ADCY2: variants seen among roughly 807,000 people sequenced by gnomAD.
ADCY2 encodes adenylate cyclase 2.
ADCY2 carries 31 observed loss-of-function variants against 125.2 expected under a neutral mutation model. The observed-to-expected ratio is 0.25, with a 90% CI of 0.19 to 0.33. The LOEUF (loss-of-function observed/expected upper bound fraction) is 0.33, where lower values mean the gene tolerates loss of function less well. Ranked by LOEUF, ADCY2 falls within the 10% of genes least tolerant of loss-of-function variation. The probability of loss-of-function intolerance (pLI) is 1.00; values close to 1 mark genes in which losing one functional copy is unlikely to be tolerated. For synonymous variants in ADCY2, 512 were observed against 548.4 expected, an observed-to-expected ratio of 0.93 and a Z score of 0.93; for missense variants, 904 against 1,418.2, an observed-to-expected ratio of 0.64 and a Z score of 5.82.
At chr5:7,427,756 AG>A (rs1050425620) in intron 2 of ADCY2, among the ~76,000 whole-genome samples, 6 of 152,122 alleles carry the variant, frequency 3.9e-5, no homozygotes, top group African/African-American at 1.4e-4. Flanking sequence ...TTGGTGGGGA[AG>A]GGGACCAAAA....
chr5:7,663,066 A>G (rs903870202), intron 4 of ADCY2, among the ~76,000 whole-genome samples: 1 of 152,234 alleles, frequency 6.6e-6, no homozygotes, highest in Non-Finnish European at 1.5e-5. Flanking sequence ...TAGAGACCTA[A>G]CGGAGAAATC....
At chr5:7,665,246 T>G (rs1288023057) in intron 4 of ADCY2, among the ~76,000 whole-genome samples, 1 of 152,168 alleles carries the variant, frequency 6.6e-6, no homozygotes, top group Non-Finnish European at 1.5e-5. Context: ...CTTCCCTTCT[T>G]TGGCTGCATT....
intron 7 of ADCY2, among the ~76,000 whole-genome samples, chr5:7,702,531 A>C (rs903331751): frequency 2.0e-5 from 3 of 152,088 alleles, no homozygotes; most frequent in African/African-American, 7.2e-5. Context: ...TTCCAGCTTC[A>C]TCCATGTCCC....
At chr5:7,613,882 A>G (rs1415514284) in intron 3 of ADCY2, among the ~76,000 whole-genome samples, 1 of 152,230 alleles carries the variant, frequency 6.6e-6, no homozygotes, top group African/African-American at 2.4e-5. Context: ...CTTCCAAGAA[A>G]TAAAAGACAA....
intron 22 of ADCY2, among the ~76,000 whole-genome samples, chr5:7,807,667 G>T (rs984455806): frequency 6.6e-6 from 1 of 152,002 alleles, no homozygotes; most frequent in South Asian, 2.1e-4. Context: ...ACCTCTATCC[G>T]CTATCTTGAC....
intron 14 of ADCY2, among the ~76,000 whole-genome samples, chr5:7,739,378 C>T (rs555355746): frequency 3.8e-4 from 58 of 151,698 alleles, no homozygotes; most frequent in Middle Eastern, 3.4e-3. Context: ...AATATCAAAA[C>T]GTAATGTATC....
chr5:7,713,358 G>T (rs1265954725), intron 11 of ADCY2, among the ~76,000 whole-genome samples: 1 of 151,910 alleles, frequency 6.6e-6, no homozygotes, highest in Non-Finnish European at 1.5e-5. Flanking sequence ...GCTGGGTGTT[G>T]TGGCATATGC....
In ADCY2 at chr5:7,827,096, C is replaced by T. The variant is rs917928814; in HGVS notation, c.*225C>T. 9 of 483,392 alleles carry T rather than the reference C, an allele frequency of 1.9e-5. No individual in the cohort carries two copies. The highest frequency in any genetic ancestry group is 6.8e-5 in the East Asian group (2 of 29,456). 29.9% of individuals were successfully genotyped at this position (483,392 alleles called of 1,614,324 possible). ...GCTCCTAAGCAAAAGGGAAAAGGAG[C>T]GCGCGTGATAGAAGAAAAGCACTGG... On this transcript the variant is annotated 3_prime_UTR_variant, in exon 25 of 25. Transcript: ENST00000338316.
chr5:7,674,456 G>A (rs1740049565), intron 4 of ADCY2, among the ~76,000 whole-genome samples: 2 of 152,176 alleles, frequency 1.3e-5, no homozygotes, highest in South Asian at 4.1e-4. Context: ...CCCCTGGAGG[G>A]GAGCAGATCT....
At position 7,584,347 on chromosome 5, in the gene ADCY2, T is replaced by G. The variant is rs1579599013; in HGVS notation, c.571-41820T>G. ...TTTATATTTCTAAAAGGGAATTTTCTTGAGAACATGTAAAAACATGACAGA... is the reference window on the plus strand; with the variant it reads ...TTTATATTTCTAAAAGGGAATTTTCGTGAGAACATGTAAAAACATGACAGA... On this transcript the variant is annotated intron_variant, in intron 3 of 24. Coordinates refer to ENST00000338316, the MANE Select transcript of ADCY2 (RefSeq NM_020546.3). Among the ~76,000 whole-genome samples the G allele has an allele frequency of 2.6e-5, 4 of 152,214 alleles. No homozygotes were observed. The South Asian group carries it at 6.2e-4, about 24-fold the overall frequency.
At chr5:7,810,622 T>C (rs1398840188) in intron 22 of ADCY2, among the ~76,000 whole-genome samples, 1 of 152,010 alleles carries the variant, frequency 6.6e-6, no homozygotes, top group Non-Finnish European at 1.5e-5. Context: ...GTGGGTTATC[T>C]ACCTGATGAG....
At chr5:7,462,768 TAGGC>T (rs1421665707) in intron 2 of ADCY2, among the ~76,000 whole-genome samples, 2 of 152,268 alleles carry the variant, frequency 1.3e-5, no homozygotes, top group African/African-American at 4.8e-5. Flanking sequence ...AATTCTGTGT[TAGGC>T]AGGTTTTCCT....
At chr5:7,451,361 A>T (rs1388197646) in intron 2 of ADCY2, among the ~76,000 whole-genome samples, 1 of 152,290 alleles carries the variant, frequency 6.6e-6, no homozygotes, top group South Asian at 2.1e-4. Context: ...TGTTCAATGC[A>T]TGGAGGAAGT....
At chr5:7,560,306 G>A (rs1380720117) in intron 3 of ADCY2, among the ~76,000 whole-genome samples, 2 of 152,156 alleles carry the variant, frequency 1.3e-5, no homozygotes, top group Non-Finnish European at 2.9e-5. Flanking sequence ...CTCACTAACT[G>A]GTGTGGTACT....
chr5:7,429,402 A>G (rs1338601276), intron 2 of ADCY2, among the ~76,000 whole-genome samples: 1 of 152,240 alleles, frequency 6.6e-6, no homozygotes. Flanking sequence ...GAAAAGTCCC[A>G]TTAAACAAGT....
At chr5:7,759,595 C>A (rs1213068698) in intron 16 of ADCY2, among the ~76,000 whole-genome samples, 1 of 152,192 alleles carries the variant, frequency 6.6e-6, no homozygotes, top group Non-Finnish European at 1.5e-5. Context: ...TTGCATCACC[C>A]GAGGCTCATT....
intron 23 of ADCY2, among the ~76,000 whole-genome samples, chr5:7,817,217 G>T (rs577232316): frequency 6.6e-6 from 1 of 151,986 alleles, no homozygotes; most frequent in Non-Finnish European, 1.5e-5. Flanking sequence ...AACACGGCAC[G>T]CACAGCCTTG....
intron 3 of ADCY2, among the ~76,000 whole-genome samples, chr5:7,618,257 T>G (rs1199229425): frequency 6.6e-6 from 1 of 152,202 alleles, no homozygotes; most frequent in Non-Finnish European, 1.5e-5. Flanking sequence ...TAGGCCCATA[T>G]CCTTTCATCA....
intron 3 of ADCY2, among the ~76,000 whole-genome samples, chr5:7,552,782 G>C (rs559471101): frequency 6.6e-6 from 1 of 152,152 alleles, no homozygotes; most frequent in Non-Finnish European, 1.5e-5. Context: ...TGTAAAAAAG[G>C]CTATATTTTT....
Sources: gnomAD v4.1 joint callset for allele counts (sites outside exome capture counted in the v4.1 genomes callset) on GRCh38, gnomAD v4.1.1 for gene constraint, MANE v1.5 for transcripts, NCBI Gene and HGNC (gene_info 2026-07-23, HGNC 2026-07-21) for gene names.